Variants in RSRC2 observed in about 807,000 individuals in gnomAD.
RSRC2 encodes the protein arginine/serine-rich coiled-coil protein 2.
A neutral mutation model predicts 61.3 loss-of-function variants in RSRC2; 5 were observed. The observed-to-expected ratio is 0.08, with a 90% CI of 0.04 to 0.17. RSRC2 has a LOEUF of 0.17. Ranked by LOEUF, RSRC2 falls within the 10% of genes least tolerant of loss-of-function variation. The probability of loss-of-function intolerance (pLI) is 1.00; values close to 1 mark genes in which losing one functional copy is unlikely to be tolerated. For synonymous variants in RSRC2, 202 were observed against 166.5 expected, an observed-to-expected ratio of 1.21 and a Z score of -1.64; for missense variants, 381 against 518.8, an observed-to-expected ratio of 0.73 and a Z score of 2.58.
chr12:122,507,169 G>A, intron 8 of RSRC2: 1 of 486,024 alleles, frequency 2.1e-6, no homozygotes, highest in Non-Finnish European at 3.7e-6. Context: ...CCTGAGGTCA[G>A]GGGATCGAGA....
At chr12:122,506,721 G>T in intron 9 of RSRC2, 113 bp downstream of exon 9, 1 of 688,586 alleles carries the variant, frequency 1.5e-6, no homozygotes, top group Non-Finnish European at 2.6e-6. Flanking sequence ...TGGTGGGAAA[G>T]AACTCAAAAA....
intron 3 of RSRC2, chr12:122,519,292 A>G (rs905061467): frequency 2.5e-6 from 1 of 392,928 alleles, no homozygotes; most frequent in Admixed American, 4.0e-5. Context: ...AAATATTGAA[A>G]AGCCATTATG....
intron 2 of RSRC2, among the ~76,000 whole-genome samples, chr12:122,521,709 T>G (rs528838737): frequency 6.6e-6 from 1 of 152,308 alleles, no homozygotes; most frequent in Non-Finnish European, 1.5e-5. Context: ...TCTAGTTTCC[T>G]AGTCTACAGC....
intron 5 of RSRC2, 24 bp from the exon 6 acceptor site, chr12:122,515,251 G>A (rs1593391110): frequency 1.2e-6 from 2 of 1,604,560 alleles, no homozygotes; most frequent in South Asian, 1.1e-5. Context: ...TATTTCATAT[G>A]TCAAATTATG....
At chr12:122,517,461 C>G in intron 4 of RSRC2, 31 bp from the exon 5 acceptor site, 1 of 1,613,156 alleles carries the variant, frequency 6.2e-7, no homozygotes, top group South Asian at 1.1e-5. Context: ...TTTGTAATTA[C>G]TTAAAAGTTG....
rs1593352958 is a variant in RSRC2, at chr12:122,506,653, A to G, written c.1125+181T>C. ...CTCCAAGTGTGTGTGTAGGGAGGAC[A>G]GTGGGTAGGGGAGATGGAAATGTTT... On this transcript the variant is annotated intron_variant, in intron 9 of 9. Transcript: ENST00000331738. 4 of 562,364 alleles carry G rather than the reference A, an allele frequency of 7.1e-6. No individual in the cohort carries two copies. The Admixed American group carries it at 1.3e-4, about 18-fold the overall frequency. The allele number at this position is 562,364 out of a possible 1,614,324, so 34.8% of individuals were successfully genotyped here. A position where few individuals can be genotyped will look rare whatever the true frequency, so the allele number is the denominator to read the frequency against.
chr12:122,525,101 C>T (rs1027062951), intron 1 of RSRC2, among the ~76,000 whole-genome samples: 2 of 152,122 alleles, frequency 1.3e-5, no homozygotes, highest in East Asian at 1.9e-4. Context: ...CGGCCGGGCG[C>T]GGTGGCTCAC....
At chr12:122,513,388 C>A (rs572134798) in intron 6 of RSRC2, among the ~76,000 whole-genome samples, 2 of 151,882 alleles carry the variant, frequency 1.3e-5, no homozygotes, top group South Asian at 4.1e-4. Flanking sequence ...GAAAAAAATT[C>A]TCCAGATTTC....
intron 3 of RSRC2, 45 bp downstream of exon 3, chr12:122,521,338 CTT>C: frequency 7.0e-7 from 1 of 1,432,586 alleles, no homozygotes; most frequent in Non-Finnish European, 9.8e-7. Flanking sequence ...CTACCAGACA[CTT>C]TATAAGTATT....
At chr12:122,518,714 C>T (rs1231148395) in intron 4 of RSRC2, 125 bp downstream of exon 4, 1 of 817,604 alleles carries the variant, frequency 1.2e-6, no homozygotes, top group African/African-American at 1.7e-5. Context: ...ACAAACAAAA[C>T]CACAAACCCA....
At position 122,505,273 on chromosome 12, in the gene RSRC2, T is replaced by C. The variant is rs1000599295; in HGVS notation, c.*254A>G. The stretch of plus-strand genomic sequence containing the variant: ...ATCCCCACCTGCAGCTTTTATATAT[T>C]TGAAAAGTAGAATTCATGAACTAAA... On this transcript the variant is annotated 3_prime_UTR_variant, in exon 10 of 10. Transcript: ENST00000331738. The C allele has an allele frequency of 2.7e-5, 9 of 336,024 alleles. No homozygotes were observed. Among genetic ancestry groups the C allele is most frequent in the African/African-American group, 1.3e-4 (6 of 47,186 alleles). 20.8% of individuals were successfully genotyped at this position (336,024 alleles called of 1,614,324 possible). A position where few individuals can be genotyped will look rare whatever the true frequency, so the allele number is the denominator to read the frequency against.
At chr12:122,523,739 A>C (rs1238041700) in intron 1 of RSRC2, 1 of 152,208 alleles carries the variant, frequency 6.6e-6, no homozygotes, top group African/African-American at 2.4e-5. Flanking sequence ...TATTTTAACA[A>C]ATTTTAAACA....
intron 2 of RSRC2, 67 bp from the exon 3 acceptor site, chr12:122,521,495 CTT>C (rs542653009): frequency 6.4e-6 from 9 of 1,399,254 alleles, no homozygotes; most frequent in East Asian, 2.3e-5. Context: ...TTAAAAAACT[CTT>C]AATGCTGGAG....
rs1409145923 is a variant in RSRC2, at chr12:122,504,918, A to C, written c.*609T>G. On this transcript the variant is annotated 3_prime_UTR_variant, in exon 10 of 10. Coordinates refer to ENST00000331738, the MANE Select transcript of RSRC2 (RefSeq NM_023012.6). ...TTTTGCTCACCACGGTATTGACTGT[A>C]GTATAGTTAACTGGCCTTAAAAAGG... The C allele has an allele frequency of 6.6e-6, 1 of 152,632 alleles. No homozygotes were observed. Among genetic ancestry groups the C allele is most frequent in the African/African-American group, 2.4e-5 (1 of 41,446 alleles). The allele number at this position is 152,632 out of a possible 1,614,324, so 9.5% of individuals were successfully genotyped here. A position where few individuals can be genotyped will look rare whatever the true frequency, so the allele number is the denominator to read the frequency against.
intron 8 of RSRC2, 61 bp downstream of exon 8, chr12:122,508,153 ATTTG>A (rs746433749): frequency 7.1e-7 from 1 of 1,416,880 alleles, no homozygotes; most frequent in East Asian, 2.3e-5. Context: ...TTCAACCCAA[ATTTG>A]TTTTTCTAAG....
intron 9 of RSRC2, 97 bp from the exon 10 acceptor site, chr12:122,505,803 G>A (rs930403171): frequency 1.6e-5 from 17 of 1,046,556 alleles, no homozygotes; most frequent in Non-Finnish European, 2.1e-5. Flanking sequence ...TTTTGAGATG[G>A]AGTCTTGCTC....
chr12:122,507,104 G>C (rs541282857), intron 8 of RSRC2, 181 bp from the exon 9 acceptor site: 1 of 620,326 alleles, frequency 1.6e-6, no homozygotes, highest in East Asian at 3.0e-5. Context: ...AGAGGTTGGC[G>C]CCGTGCTTCA....
At position 122,503,673 on chromosome 12, in the gene RSRC2, A is replaced by G. The variant is rs1418866289; in HGVS notation, c.*1854T>C. On this transcript the variant is annotated 3_prime_UTR_variant, in exon 10 of 10. Coordinates refer to ENST00000331738, the MANE Select transcript of RSRC2 (RefSeq NM_023012.6). The stretch of plus-strand genomic sequence containing the variant: ...TTGATGATCACGAAATGAAGGATCC[A>G]TAGTGTCATTTCCTTAGAAGGCTTA... 1 of 152,350 alleles carries G rather than the reference A, an allele frequency of 6.6e-6. No individual in the cohort carries two copies. The highest frequency in any genetic ancestry group is 1.9e-4 in the East Asian group (1 of 5,192). 9.4% of individuals were successfully genotyped at this position (152,350 alleles called of 1,614,324 possible). A position where few individuals can be genotyped will look rare whatever the true frequency, so the allele number is the denominator to read the frequency against.
At chr12:122,522,023 C>A in intron 2 of RSRC2, 120 bp downstream of exon 2, 1 of 1,037,292 alleles carries the variant, frequency 9.6e-7, no homozygotes, top group Non-Finnish European at 1.4e-6. Flanking sequence ...AAAGTGCTGG[C>A]ATTACAGGCT....
Sources: allele counts gnomAD v4.1 joint callset (sites outside exome capture counted in the v4.1 genomes callset), GRCh38; gene constraint gnomAD v4.1.1; transcripts MANE v1.5; gene names NCBI Gene and HGNC (gene_info 2026-07-23, HGNC 2026-07-21).